POU2F2: variants seen among roughly 807,000 people sequenced by gnomAD.
POU2F2 encodes the protein POU domain, class 2, transcription factor 2.
Under a neutral mutation model 63.5 loss-of-function variants are expected in POU2F2, and 14 were observed. That is an observed-to-expected ratio of 0.22 (90% confidence interval 0.15 to 0.34). The LOEUF is 0.34. POU2F2 is among the 10% of genes least tolerant of loss of function. POU2F2 has a pLI of 1.00. For synonymous variants in POU2F2, 306 were observed against 348.6 expected (o/e 0.88, Z 1.36); for missense variants, 607 against 815.2 (o/e 0.74, Z 3.11).
Position 42,152,502 on chromosome 19 carries a change from G to A in POU2F2, c.-9+7830C>T, listed in dbSNP as rs2034373509. The A allele has an allele frequency of 6.6e-6, 1 of 152,222 alleles. No homozygotes were observed. Among genetic ancestry groups the A allele is most frequent in the African/African-American group, 2.4e-5 (1 of 41,408 alleles). 9.4% of individuals were successfully genotyped at this position (152,222 alleles called of 1,614,324 possible). A position where few individuals can be genotyped will look rare whatever the true frequency, so the allele number is the denominator to read the frequency against. The stretch of plus-strand genomic sequence containing the variant: ...GTGACATGGTGGATCAATACGGCAG[G>A]GATATAAAGCCGGCTGGCTGGCTGC... On this transcript the variant is annotated intron_variant, in intron 2 of 6. Transcript: ENST00000524801. The surrounding 1 kb of genome is among the most constrained non-coding windows in gnomAD (Gnocchi z 4.1).
chr19:42,195,235 T>C (rs908910325), intron 1 of POU2F2, among the ~76,000 whole-genome samples: 8 of 151,072 alleles, frequency 5.3e-5, no homozygotes, highest in Admixed American at 1.3e-4. Context: ...TCCCCCAGCG[T>C]CCCTGCTGTT....
chr19:42,197,613 A>T (rs1455387566), upstream of POU2F2, among the ~76,000 whole-genome samples: 1 of 152,148 alleles, frequency 6.6e-6, no homozygotes, highest in Admixed American at 6.5e-5. Flanking sequence ...AAGAGAAACG[A>T]GTTCCTGAGC....
At chr19:42,102,867 TAC>T (rs1392859123) in intron 5 of POU2F2, among the ~76,000 whole-genome samples, 1 of 152,112 alleles carries the variant, frequency 6.6e-6, no homozygotes, top group East Asian at 1.9e-4. Flanking sequence ...AAAACCGCTT[TAC>T]ACACACAATC....
intron 1 of POU2F2, among the ~76,000 whole-genome samples, chr19:42,171,459 T>C (rs2034765818): frequency 6.6e-6 from 1 of 151,764 alleles, no homozygotes. Flanking sequence ...TGTGTGTGTG[T>C]GTGTGTGTGT....
chr19:42,178,770 AG>A (rs1401601224), upstream of POU2F2, among the ~76,000 whole-genome samples: 1 of 152,246 alleles, frequency 6.6e-6, no homozygotes, highest in Non-Finnish European at 1.5e-5. Flanking sequence ...AAACAGAGAC[AG>A]AAAGAAATGT....
chr19:42,096,385 C>T lies in POU2F2; in HGVS notation c.568-142G>A, dbSNP rs1462819128. 1.2e-6 allele frequency: 1 copy of T among 863,452 alleles called. No individual in the cohort carries two copies. Among genetic ancestry groups the T allele is most frequent in the Non-Finnish European group, 1.7e-6 (1 of 576,754 alleles). The allele number at this position is 863,452 out of a possible 1,614,324, so 53.5% of individuals were successfully genotyped here. Reference sequence around the variant, plus strand: ...GACTCCCCCCGCCTTCCTCCACAAGCACCGTCAATCCCTTTAAAGGTCCCT... The same window carrying T: ...GACTCCCCCCGCCTTCCTCCACAAGTACCGTCAATCCCTTTAAAGGTCCCT... On this transcript the variant is annotated intron_variant, in intron 7 of 14. Transcript: ENST00000692977. The surrounding 1 kb of genome is among the most constrained non-coding windows in gnomAD (Gnocchi z 4.1).
intron 1 of POU2F2, among the ~76,000 whole-genome samples, chr19:42,186,072 G>T (rs2146820391): frequency 6.6e-6 from 1 of 152,164 alleles, no homozygotes; most frequent in African/African-American, 2.4e-5. Flanking sequence ...GAATTTTAAA[G>T]GGGACTGGGA....
intron 1 of POU2F2, among the ~76,000 whole-genome samples, chr19:42,187,761 C>CAAAAAAAA (rs745767404): frequency 2.0e-5 from 1 of 49,958 alleles, no homozygotes; most frequent in Non-Finnish European, 4.1e-5. Flanking sequence ...GACTCCATCA[C>CAAAAAAAA]AAAAAAAAAA....
chr19:42,191,804 T>C lies in POU2F2; in HGVS notation c.-70+4579A>G, dbSNP rs572484964. 5.3e-4 allele frequency among the ~76,000 whole-genome samples: 81 copies of C among 152,296 alleles called. 1 individual carries two copies. In the South Asian group the frequency reaches 0.016, roughly 30 times the overall value. On this transcript the variant is annotated intron_variant, in intron 1 of 5. Transcript: ENST00000532176. ...GAGAGCAGGATGCTGGATTTTGAACTGGGTTGTGGTTAAAATCAGGGATTT... is the reference window on the plus strand; with the variant it reads ...GAGAGCAGGATGCTGGATTTTGAACCGGGTTGTGGTTAAAATCAGGGATTT...
intron 1 of POU2F2, among the ~76,000 whole-genome samples, chr19:42,184,515 TG>T (rs1294929472): frequency 6.6e-6 from 1 of 152,112 alleles, no homozygotes; most frequent in African/African-American, 2.4e-5. Context: ...CACTGCCCCC[TG>T]GTGGCTGAAG....
At position 42,153,562 on chromosome 19, in the gene POU2F2, G is replaced by C. The variant is rs2034396686; in HGVS notation, c.-9+6770C>G. On this transcript the variant is annotated intron_variant, in intron 2 of 6. Coordinates refer to the POU2F2 transcript ENST00000524801. This position sits in a 1 kb window ranked among gnomAD's most constrained non-coding sequence, Gnocchi z 5.6. Reference sequence around the variant, plus strand: ...GTGTGGATCTGTGCCTGTGCCTGTGGGCAGCTGCGTGTGCTTCAGGGATCT... The same window carrying C: ...GTGTGGATCTGTGCCTGTGCCTGTGCGCAGCTGCGTGTGCTTCAGGGATCT... Among the ~76,000 whole-genome samples the C allele has an allele frequency of 1.3e-5, 2 of 151,364 alleles. No homozygotes were observed. The highest frequency in any genetic ancestry group is 1.3e-4 in the Admixed American group (2 of 15,234).
At chr19:42,113,016 G>A (rs1278041892) in intron 5 of POU2F2, among the ~76,000 whole-genome samples, 1 of 152,080 alleles carries the variant, frequency 6.6e-6, no homozygotes, top group East Asian at 1.9e-4. Flanking sequence ...CTGAAAGCCT[G>A]GACAGATGTG....
intron 1 of POU2F2, among the ~76,000 whole-genome samples, chr19:42,123,608 C>T (rs1360471484): frequency 1.3e-5 from 2 of 152,112 alleles, no homozygotes; most frequent in Admixed American, 6.6e-5. Flanking sequence ...AGCAGATGTG[C>T]CCTGATTGGA....
At chr19:42,093,193 T>A (rs889285243) in intron 12 of POU2F2, among the ~76,000 whole-genome samples, 1 of 151,552 alleles carries the variant, frequency 6.6e-6, no homozygotes, top group African/African-American at 2.4e-5. Context: ...GTATTTTTAG[T>A]AGAGACAGGG....
upstream of POU2F2, chr19:42,132,596 T>G (rs1442700829): frequency 2.1e-6 from 1 of 479,732 alleles, no homozygotes; most frequent in African/African-American, 2.0e-5. Flanking sequence ...AAATCATGTG[T>G]GTGTGCTGGG....
intron 5 of POU2F2, among the ~76,000 whole-genome samples, chr19:42,100,732 C>A (rs1486223878): frequency 6.6e-6 from 1 of 151,902 alleles, no homozygotes; most frequent in Non-Finnish European, 1.5e-5. Context: ...ACCTGGGTGA[C>A]AGAGCAAGAC....
Position 42,093,810 on chromosome 19 carries a change from AT to A in POU2F2, c.1264+18del. On this transcript the variant is annotated intron_variant, in intron 12 of 14. Coordinates refer to ENST00000692977, the MANE Select transcript of POU2F2 (RefSeq NM_001394376.1). The stretch of plus-strand genomic sequence containing the variant: ...CACATCCTCCCAGTCCCCCCTCACC[AT>A]TTTCTGCCCTCCCTGACCTGTTGTG... The A allele has an allele frequency of 6.3e-7, 1 of 1,592,910 alleles. No homozygotes were observed.
chr19:42,121,907 G>A (rs2032660697), intron 4 of POU2F2, among the ~76,000 whole-genome samples: 1 of 152,142 alleles, frequency 6.6e-6, no homozygotes, highest in Non-Finnish European at 1.5e-5. Flanking sequence ...GGGCTCTGGG[G>A]GGGATTTCCC....
At chr19:42,120,925 G>A (rs909014352) in intron 4 of POU2F2, among the ~76,000 whole-genome samples, 4 of 152,204 alleles carry the variant, frequency 2.6e-5, no homozygotes, top group Non-Finnish European at 5.9e-5. Context: ...AGAAGCACAT[G>A]AATCACTTCA....
Sources: allele counts gnomAD v4.1 joint callset (sites outside exome capture counted in the v4.1 genomes callset), GRCh38; gene constraint gnomAD v4.1.1; non-coding constraint Gnocchi (gnomAD v3.1); transcripts MANE v1.5; gene names NCBI Gene and HGNC (gene_info 2026-07-23, HGNC 2026-07-21).